ARHGAP15: variants seen among roughly 807,000 people sequenced by gnomAD.
ARHGAP15 encodes the protein Rho GTPase activating protein 15, also known as rho GTPase-activating protein 15.
Under a neutral mutation model 63.7 loss-of-function variants are expected in ARHGAP15, and 51 were observed. That is an observed-to-expected ratio of 0.80 (90% CI 0.64 to 1.01). ARHGAP15 has a LOEUF of 1.01. Among genes scored for constraint, ARHGAP15 ranks in the 50% least tolerant of loss-of-function variants. The pLI is 0.00. For synonymous variants in ARHGAP15, 191 were observed against 193.8 expected (o/e 0.99, Z 0.12); for missense variants, 560 against 564.6 (o/e 0.99, Z 0.08).
chr2:143,494,671 CTGA>C (rs2104916969), intron 9 of ARHGAP15, among the ~76,000 whole-genome samples: 1 of 152,168 alleles, frequency 6.6e-6, no homozygotes, highest in East Asian at 1.9e-4. Flanking sequence ...GCCCAAATGT[CTGA>C]TGGGCAATAG....
intron 2 of ARHGAP15, among the ~76,000 whole-genome samples, chr2:143,177,354 CA>C (rs1439487031): frequency 6.6e-6 from 1 of 152,038 alleles, no homozygotes; most frequent in Admixed American, 6.6e-5. Flanking sequence ...GCTTAAAAGG[CA>C]AAGTTAGAAT....
intron 13 of ARHGAP15, among the ~76,000 whole-genome samples, chr2:143,719,264 TAG>T (rs1684946635): frequency 3.3e-5 from 5 of 152,196 alleles, no homozygotes; most frequent in African/African-American, 9.7e-5. Context: ...TTACCTCCCA[TAG>T]AGTTTGTGAT....
rs919869305 is a variant in ARHGAP15 at position 143,467,730 on chromosome 2, G to T, written c.704-19643G>T. 2.0e-5 allele frequency among the ~76,000 whole-genome samples: 3 copies of T among 151,938 alleles called. No individual in the cohort carries two copies. In the South Asian group the frequency reaches 6.2e-4, roughly 31 times the overall value. ...TATAGACACAACTGTTTTAAAAGAA[G>T]AACAAGATTTTCATGCAAAAATATG... is the stretch of plus-strand genomic sequence containing the variant. On this transcript the variant is annotated intron_variant, in intron 8 of 13. Coordinates refer to ENST00000295095, the MANE Select transcript of ARHGAP15 (RefSeq NM_018460.4).
At chr2:143,389,129 TTA>T (rs963700894) in intron 6 of ARHGAP15, among the ~76,000 whole-genome samples, 2 of 148,658 alleles carry the variant, frequency 1.3e-5, no homozygotes, top group African/African-American at 2.5e-5. Context: ...ATTATTATTA[TTA>T]TTATTTTTTA....
intron 2 of ARHGAP15, among the ~76,000 whole-genome samples, chr2:143,182,016 A>G (rs1184322617): frequency 2.0e-5 from 3 of 148,676 alleles, no homozygotes; most frequent in Non-Finnish European, 4.4e-5. Flanking sequence ...ATCTTGGCTC[A>G]CTGAAACCCC....
At chr2:143,166,590 A>G (rs955530526) in intron 2 of ARHGAP15, among the ~76,000 whole-genome samples, 8 of 152,074 alleles carry the variant, frequency 5.3e-5, no homozygotes, top group African/African-American at 1.7e-4. Context: ...TGCCACTGCC[A>G]CCACCACCTC....
chr2:143,169,337 TG>T (rs1476117535), intron 2 of ARHGAP15, among the ~76,000 whole-genome samples: 5 of 151,944 alleles, frequency 3.3e-5, no homozygotes. Context: ...GCCCCCTTCA[TG>T]GGGTGTTTTT....
chr2:143,645,030 G>A (rs548048955), intron 12 of ARHGAP15, among the ~76,000 whole-genome samples: 9 of 152,182 alleles, frequency 5.9e-5, no homozygotes, highest in Middle Eastern at 3.4e-3. Flanking sequence ...AAAGTAATAT[G>A]ATTGGATGAA....
At chr2:143,228,719 G>A in intron 5 of ARHGAP15, 51 bp downstream of exon 5, 1 of 1,362,272 alleles carries the variant, frequency 7.3e-7, no homozygotes, top group South Asian at 1.5e-5. Context: ...AAATATTGTA[G>A]AATTAAAAGT....
intron 11 of ARHGAP15, among the ~76,000 whole-genome samples, chr2:143,606,049 AAAAAAAAAAAAAAAAAAAAAAG>A (rs565814094): frequency 0.015 from 2,038 of 135,250 alleles, 53 homozygotes; most frequent in Non-Finnish European, 0.022. Flanking sequence ...AAAAAAAAAA[AAAAAAAAAAAAAAAAAAAAAAG>A]CCATACATCT....
chr2:143,242,374 CA>C (rs1693896848), intron 5 of ARHGAP15, among the ~76,000 whole-genome samples: 1 of 152,222 alleles, frequency 6.6e-6, no homozygotes, highest in Admixed American at 6.5e-5. Context: ...CCTGAGACAT[CA>C]AAAGTGTACC....
chr2:143,329,315 T>C (rs540229198), intron 6 of ARHGAP15, among the ~76,000 whole-genome samples: 1 of 152,312 alleles, frequency 6.6e-6, no homozygotes, highest in East Asian at 1.9e-4. Context: ...TGGGCCTCAT[T>C]TCATCATGTA....
At chr2:143,501,681 G>A (rs906187102) in intron 9 of ARHGAP15, among the ~76,000 whole-genome samples, 25 of 152,112 alleles carry the variant, frequency 1.6e-4, no homozygotes, top group African/African-American at 5.1e-4. Context: ...AAATAATTTT[G>A]AAGAAAAATA....
intron 12 of ARHGAP15, among the ~76,000 whole-genome samples, chr2:143,698,196 G>T (rs1223582941): frequency 6.6e-6 from 1 of 152,118 alleles, no homozygotes; most frequent in Non-Finnish European, 1.5e-5. Context: ...TTAACATGAA[G>T]CTATAAGAAC....
At chr2:143,347,675 T>G (rs946167444) in intron 6 of ARHGAP15, among the ~76,000 whole-genome samples, 1 of 152,116 alleles carries the variant, frequency 6.6e-6, no homozygotes, top group African/African-American at 2.4e-5. Context: ...CACTATTAGC[T>G]CTCTGGATGT....
At chr2:143,332,659 G>A (rs998742660) in intron 6 of ARHGAP15, among the ~76,000 whole-genome samples, 7 of 152,028 alleles carry the variant, frequency 4.6e-5, no homozygotes, top group Non-Finnish European at 7.4e-5. Flanking sequence ...TTCATAATCT[G>A]CTCACCTTTG....
intron 13 of ARHGAP15, among the ~76,000 whole-genome samples, chr2:143,726,160 G>T (rs1340076688): frequency 5.3e-5 from 8 of 152,164 alleles, no homozygotes; most frequent in Non-Finnish European, 1.0e-4. Flanking sequence ...CAGGGTATTG[G>T]CCATTTTCAT....
intron 5 of ARHGAP15, among the ~76,000 whole-genome samples, chr2:143,242,429 A>G (rs34889151): frequency 0.17 from 25,559 of 152,232 alleles, 2,333 homozygotes; most frequent in Middle Eastern, 0.24. Flanking sequence ...TTTAATGTAA[A>G]TGTAAGACTA....
intron 5 of ARHGAP15, among the ~76,000 whole-genome samples, chr2:143,248,180 G>A (rs1315836333): frequency 2.0e-5 from 3 of 152,130 alleles, no homozygotes; most frequent in Non-Finnish European, 2.9e-5. Flanking sequence ...GAGTAACCAG[G>A]AGTACTGGAG....
Sources: gnomAD v4.1 joint callset for allele counts (sites outside exome capture counted in the v4.1 genomes callset) on GRCh38, gnomAD v4.1.1 for gene constraint, MANE v1.5 for transcripts, NCBI Gene and HGNC (gene_info 2026-07-23, HGNC 2026-07-21) for gene names.